Variants in CNTNAP4 observed in about 807,000 individuals in gnomAD.
The protein encoded by CNTNAP4 is contactin associated protein family member 4.
In CNTNAP4, 98 loss-of-function variants were observed where a neutral mutation model predicts 148.4. That is an observed-to-expected ratio of 0.66 (90% CI 0.56 to 0.78). The LOEUF is 0.78. CNTNAP4 is among the 30% of genes least tolerant of loss of function. The pLI, the probability that CNTNAP4 is intolerant of heterozygous loss-of-function variation, is 0.00. For synonymous variants in CNTNAP4, 730 were observed against 565.1 expected (o/e 1.29, Z -4.14); for missense variants, 1,935 against 1,565.6 (o/e 1.24, Z -3.98).
intron 20 of CNTNAP4, among the ~76,000 whole-genome samples, chr16:76,540,378 C>G (rs1410233135): frequency 1.3e-5 from 2 of 151,864 alleles, no homozygotes; most frequent in Admixed American, 1.3e-4. Context: ...CCTTTTGTAT[C>G]TTTTTGTTGG....
chr16:76,340,091 G>C (rs759983319), intron 2 of CNTNAP4, among the ~76,000 whole-genome samples: 1 of 152,102 alleles, frequency 6.6e-6, no homozygotes, highest in Non-Finnish European at 1.5e-5. Context: ...GATTGGGCTT[G>C]TGTTACATGC....
chr16:76,359,195 T>C (rs1162174442), intron 3 of CNTNAP4, among the ~76,000 whole-genome samples: 1 of 152,212 alleles, frequency 6.6e-6, no homozygotes, highest in Non-Finnish European at 1.5e-5. Flanking sequence ...GTTTTCTGGC[T>C]CAGTTTTTGT....
chr16:76,529,291 C>G (rs2083872357), intron 17 of CNTNAP4, among the ~76,000 whole-genome samples: 1 of 151,930 alleles, frequency 6.6e-6, no homozygotes, highest in Admixed American at 6.6e-5. Context: ...GAGTCCTATT[C>G]AGAACTGCCT....
At chr16:76,299,390 A>T (rs972565826) in intron 1 of CNTNAP4, among the ~76,000 whole-genome samples, 2 of 152,238 alleles carry the variant, frequency 1.3e-5, no homozygotes, top group African/African-American at 4.8e-5. Flanking sequence ...AGACACATGA[A>T]AAAATGCTCA....
At chr16:76,344,849 C>T (rs1370425321) in intron 2 of CNTNAP4, among the ~76,000 whole-genome samples, 1 of 152,158 alleles carries the variant, frequency 6.6e-6, no homozygotes, top group African/African-American at 2.4e-5. Context: ...ACCTTCTACT[C>T]TTTTCCAAAA....
Position 76,485,577 on chromosome 16 carries a change from C to T in CNTNAP4, c.1883-4109C>T, listed in dbSNP as rs559229568. Among the ~76,000 whole-genome samples, 12 of 152,286 alleles carry T rather than the reference C, an allele frequency of 7.9e-5. No homozygotes were observed. The South Asian group carries it at 1.0e-3, about 13-fold the overall frequency. On this transcript the variant is annotated intron_variant, in intron 12 of 23. Coordinates refer to ENST00000611870, the MANE Select transcript of CNTNAP4 (RefSeq NM_033401.5). ...AAGTGAAAACTCTATGGGTTAAACT[C>T]ACCCCTTCTCATGGTCCCATTACTG...
chr16:76,537,434 T>C (rs2084256747), intron 18 of CNTNAP4, among the ~76,000 whole-genome samples: 1 of 125,930 alleles, frequency 7.9e-6, no homozygotes, highest in Admixed American at 9.2e-5. Context: ...TTTTCATACA[T>C]ATGTATTTGG....
In CNTNAP4 at chr16:76,443,013, A is replaced by G. The variant is rs187362237; in HGVS notation, c.539-4999A>G. ...AAAAAGCGGGGAATTTGTCAGAACA[A>G]TTTGCAACTGTGGTCAGAGAACTAG... On this transcript the variant is annotated intron_variant, in intron 4 of 23. Coordinates refer to ENST00000611870, the MANE Select transcript of CNTNAP4 (RefSeq NM_033401.5). Among the ~76,000 whole-genome samples, 4 of 152,246 alleles carry G rather than the reference A, an allele frequency of 2.6e-5. No individual in the cohort carries two copies. The East Asian group carries it at 5.8e-4, about 22-fold the overall frequency.
chr16:76,529,965 T>C (rs1464297414), intron 17 of CNTNAP4, among the ~76,000 whole-genome samples: 1 of 152,106 alleles, frequency 6.6e-6, no homozygotes, highest in East Asian at 1.9e-4. Flanking sequence ...GTGCCATATC[T>C]CTATTCACCA....
intron 3 of CNTNAP4, among the ~76,000 whole-genome samples, chr16:76,401,552 G>C (rs2078417293): frequency 6.6e-6 from 1 of 152,110 alleles, no homozygotes; most frequent in Non-Finnish European, 1.5e-5. Flanking sequence ...TCTCTTGCCT[G>C]ATTGCTCTGG....
chr16:76,304,688 T>C (rs1472046373), intron 1 of CNTNAP4, among the ~76,000 whole-genome samples: 1 of 152,162 alleles, frequency 6.6e-6, no homozygotes, highest in Non-Finnish European at 1.5e-5. Context: ...TAAAGCAATA[T>C]ATGTGTGTCG....
intron 3 of CNTNAP4, among the ~76,000 whole-genome samples, chr16:76,403,110 T>G (rs926469160): frequency 7.9e-5 from 12 of 150,982 alleles, no homozygotes; most frequent in African/African-American, 2.9e-4. Flanking sequence ...TTTTTTTTTT[T>G]GAGACGAAGT....
Position 76,285,484 on chromosome 16 carries a change from CT to C in CNTNAP4, c.85+7744del, listed in dbSNP as rs575479125. ...ATCAGTTGGCCTATAGCTCTAATTG[CT>C]TTTTTTATTAAGTACCTCTCATTAC... On this transcript the variant is annotated intron_variant, in intron 1 of 23. Transcript: ENST00000611870. Among the ~76,000 whole-genome samples, 374 of 152,026 alleles carry C rather than the reference CT, an allele frequency of 2.5e-3. 2 individuals are homozygous for C. Among genetic ancestry groups the C allele is most frequent in the African/African-American group, 8.5e-3 (354 of 41,480 alleles).
intron 3 of CNTNAP4, among the ~76,000 whole-genome samples, chr16:76,359,146 C>G (rs894591559): frequency 1.3e-5 from 2 of 152,092 alleles, no homozygotes; most frequent in African/African-American, 4.8e-5. Context: ...AAACTTAACC[C>G]TTTGTTACAT....
At chr16:76,380,084 G>A (rs773132263) in intron 3 of CNTNAP4, among the ~76,000 whole-genome samples, 2 of 152,182 alleles carry the variant, frequency 1.3e-5, no homozygotes, top group African/African-American at 2.4e-5. Flanking sequence ...CAGATAAAAC[G>A]CAAGTCTGTT....
intron 3 of CNTNAP4, among the ~76,000 whole-genome samples, chr16:76,403,432 A>G (rs1177345744): frequency 1.3e-5 from 2 of 152,216 alleles, no homozygotes; most frequent in African/African-American, 4.8e-5. Context: ...ATGGCTAACA[A>G]GCATATGAAG....
intron 15 of CNTNAP4, among the ~76,000 whole-genome samples, chr16:76,514,561 T>A (rs2083167642): frequency 6.6e-6 from 1 of 152,208 alleles, no homozygotes; most frequent in South Asian, 2.1e-4. Context: ...ACATCTATCT[T>A]ACTGTATGTG....
intron 17 of CNTNAP4, among the ~76,000 whole-genome samples, chr16:76,528,519 C>T (rs1402137441): frequency 6.6e-6 from 1 of 152,208 alleles, no homozygotes; most frequent in African/African-American, 2.4e-5. Flanking sequence ...CCCGCCTTGG[C>T]CTCCCAAAAT....
chr16:76,312,802 T>C (rs879452573), intron 1 of CNTNAP4, among the ~76,000 whole-genome samples: 6 of 152,230 alleles, frequency 3.9e-5, no homozygotes, highest in Non-Finnish European at 7.3e-5. Context: ...TGATCTCATC[T>C]GCAAGAGAGT....
Sources: allele counts gnomAD v4.1 joint callset (sites outside exome capture counted in the v4.1 genomes callset), GRCh38; gene constraint gnomAD v4.1.1; transcripts MANE v1.5; gene names NCBI Gene and HGNC (gene_info 2026-07-23, HGNC 2026-07-21).